The following ARHGAP21 variants were observed in gnomAD, a reference collection of about 807,000 sequenced individuals.
The protein encoded by ARHGAP21 is rho GTPase-activating protein 21.
In ARHGAP21, 38 loss-of-function variants were observed where a neutral mutation model predicts 164.6. The ratio of observed to expected loss-of-function variants is 0.23; its 90% CI spans 0.18 to 0.30. The LOEUF is 0.30. Among genes scored for constraint, ARHGAP21 ranks in the 10% least tolerant of loss-of-function variants. The pLI, the probability that ARHGAP21 is intolerant of heterozygous loss-of-function variation, is 1.00. For synonymous variants in ARHGAP21, 766 were observed against 857.9 expected (o/e 0.89, Z 1.87); for missense variants, 1,822 against 2,370.7 (o/e 0.77, Z 4.81).
chr10:24,678,361 G>A (rs1053914612), intron 2 of ARHGAP21, among the ~76,000 whole-genome samples: 9 of 152,012 alleles, frequency 5.9e-5, no homozygotes, highest in East Asian at 3.9e-4. Flanking sequence ...CAGAAGTGTC[G>A]CATCCCCACA....
chr10:24,662,232 T>A (rs1839769758), intron 4 of ARHGAP21, among the ~76,000 whole-genome samples: 1 of 152,192 alleles, frequency 6.6e-6, no homozygotes, highest in Non-Finnish European at 1.5e-5. Flanking sequence ...TTCTTAACAC[T>A]ACATAAGTCA....
intron 2 of ARHGAP21, among the ~76,000 whole-genome samples, chr10:24,718,048 C>T (rs548777424): frequency 2.0e-5 from 3 of 152,204 alleles, no homozygotes; most frequent in South Asian, 2.1e-4. Flanking sequence ...TGGGAAACTC[C>T]GTAGGGAATC....
At chr10:24,715,470 C>T (rs945182886) in intron 2 of ARHGAP21, among the ~76,000 whole-genome samples, 6 of 152,136 alleles carry the variant, frequency 3.9e-5, no homozygotes, top group Admixed American at 1.3e-4. Flanking sequence ...GTCTGATTGC[C>T]CTTTCACTTG....
At chr10:24,602,238 C>G in intron 12 of ARHGAP21, 135 bp from the exon 13 acceptor site, 1 of 999,822 alleles carries the variant, frequency 1.0e-6, no homozygotes, top group Non-Finnish European at 1.4e-6. Context: ...CTAACTTTAT[C>G]TTTTTAAAAA....
intron 4 of ARHGAP21, among the ~76,000 whole-genome samples, chr10:24,658,631 G>A (rs1172388976): frequency 1.3e-5 from 2 of 152,110 alleles, no homozygotes; most frequent in African/African-American, 2.4e-5. Flanking sequence ...TGAACAATGA[G>A]AACACCTGTA....
At chr10:24,705,736 C>G (rs1405582938) in intron 2 of ARHGAP21, among the ~76,000 whole-genome samples, 2 of 152,180 alleles carry the variant, frequency 1.3e-5, no homozygotes, top group Non-Finnish European at 2.9e-5. Flanking sequence ...CAAATACCCA[C>G]AAAGTGATGA....
chr10:24,662,194 C>A (rs780126099), intron 4 of ARHGAP21, among the ~76,000 whole-genome samples: 1 of 152,192 alleles, frequency 6.6e-6, no homozygotes, highest in Non-Finnish European at 1.5e-5. Context: ...TCATAACATA[C>A]TAAACATACC....
intron 2 of ARHGAP21, among the ~76,000 whole-genome samples, chr10:24,717,517 G>T (rs866659954): frequency 6.6e-6 from 1 of 152,110 alleles, no homozygotes. Flanking sequence ...TGAGGAAGCA[G>T]TATTGAAGAA....
intron 4 of ARHGAP21, among the ~76,000 whole-genome samples, chr10:24,653,751 A>T (rs1487416553): frequency 2.6e-5 from 4 of 152,124 alleles, no homozygotes; most frequent in Admixed American, 1.3e-4. Context: ...CTTTCCTAGG[A>T]TTTCATATAA....
At chr10:24,687,676 G>C (rs916088221) in intron 2 of ARHGAP21, among the ~76,000 whole-genome samples, 1 of 152,134 alleles carries the variant, frequency 6.6e-6, no homozygotes, top group Non-Finnish European at 1.5e-5. Context: ...GCATTTCTGT[G>C]GTTAAAAACA....
intron 2 of ARHGAP21, among the ~76,000 whole-genome samples, chr10:24,690,783 G>GC (rs985219513): frequency 6.6e-6 from 1 of 150,596 alleles, no homozygotes; most frequent in Non-Finnish European, 1.5e-5. Context: ...AGCCGAGATC[G>GC]CGCCACTGCA....
chr10:24,665,277 C>G (rs753929172), intron 4 of ARHGAP21, among the ~76,000 whole-genome samples: 1 of 151,868 alleles, frequency 6.6e-6, no homozygotes, highest in East Asian at 1.9e-4. Flanking sequence ...TCCTGCCTGG[C>G]CTTACACCTT....
At chr10:24,625,299 G>GCA (rs768183583) in intron 7 of ARHGAP21, among the ~76,000 whole-genome samples, 12,086 of 53,612 alleles carry the variant, frequency 0.23, 2,149 homozygotes, top group Non-Finnish European at 0.27. Flanking sequence ...ATGAAACAGA[G>GCA]AAAAAAAAAA....
chr10:24,716,634 AG>A (rs1388571767), intron 2 of ARHGAP21, among the ~76,000 whole-genome samples: 1 of 152,268 alleles, frequency 6.6e-6, no homozygotes, highest in African/African-American at 2.4e-5. Flanking sequence ...CAATCTTCAG[AG>A]AAATGAGAAG....
At chr10:24,660,066 A>C (rs187291704) in intron 4 of ARHGAP21, among the ~76,000 whole-genome samples, 7 of 152,268 alleles carry the variant, frequency 4.6e-5, no homozygotes, top group Admixed American at 3.3e-4. Context: ...CATCTTCATC[A>C]TCATCATTAT....
chr10:24,610,954 A>C (rs1260221957), intron 9 of ARHGAP21, among the ~76,000 whole-genome samples: 1 of 152,190 alleles, frequency 6.6e-6, no homozygotes, highest in Non-Finnish European at 1.5e-5. Flanking sequence ...GATCAAATAA[A>C]AGCAAGATGA....
Position 24,585,325 on chromosome 10 carries a change from C to T in ARHGAP21, c.4964G>A (p.Arg1655Gln), listed in dbSNP as rs145888629. The stretch of plus-strand genomic sequence containing the variant: ...CTTAGTCACTTCTTGCAGTTTTCCT[C>T]GGAAAAGCCTCTCTGAAGTCAAGGC... ...PTALTSERLF[R>Q]GKLQEVTKSS... Residue 1655 changes from arginine (R) to glutamine (Q), a missense_variant, in exon 26 of 26, where the codon CGA (arginine) becomes CAA (glutamine). Arg to Gln is a conservative substitution (Grantham distance 43). Around this residue, in one of 5 missense-constraint regions of ARHGAP21, gnomAD observed 333 missense variants for 383.9 expected, o/e 0.87. Transcript: ENST00000396432. The T allele has an allele frequency of 5.6e-6, 9 of 1,612,508 alleles. No homozygotes were observed. Among genetic ancestry groups the T allele is most frequent in the East Asian group, 2.2e-5 (1 of 44,864 alleles).
At chr10:24,689,859 T>C (rs1398661746) in intron 2 of ARHGAP21, among the ~76,000 whole-genome samples, 1 of 148,464 alleles carries the variant, frequency 6.7e-6, no homozygotes, top group Admixed American at 6.8e-5. Flanking sequence ...TATATGTATA[T>C]GTATGTGTAT....
intron 12 of ARHGAP21, among the ~76,000 whole-genome samples, chr10:24,603,211 A>G (rs2076886988): frequency 6.6e-6 from 1 of 152,174 alleles, no homozygotes; most frequent in African/African-American, 2.4e-5. Flanking sequence ...GAGCCTGCAG[A>G]GGGGATGGAG....
Sources: gnomAD v4.1 joint callset for allele counts (sites outside exome capture counted in the v4.1 genomes callset) on GRCh38, gnomAD v4.1.1 for gene constraint, gnomAD v4.1.1 regional missense constraint, MANE v1.5 for transcripts, NCBI Gene and HGNC (gene_info 2026-07-23, HGNC 2026-07-21) for gene names.